PRR14L: variants seen among roughly 807,000 people sequenced by gnomAD.
The protein encoded by PRR14L is protein PRR14L.
A neutral mutation model predicts 155.0 loss-of-function variants in PRR14L; 80 were observed. That is an observed-to-expected ratio of 0.52 (90% CI 0.43 to 0.62). The LOEUF (loss-of-function observed/expected upper bound fraction) is 0.62. Ranked by LOEUF, PRR14L falls within the 20% of genes least tolerant of loss-of-function variation. The pLI is 0.00. For synonymous variants in PRR14L, 883 were observed against 916.0 expected, an observed-to-expected ratio of 0.96 and a Z score of 0.65; for missense variants, 2,469 against 2,548.0, an observed-to-expected ratio of 0.97 and a Z score of 0.67.
At position 31,712,513 on chromosome 22, in the gene PRR14L, C is replaced by T. The variant is rs752046342; in HGVS notation, c.5326G>A (p.Ala1776Thr). The T allele has an allele frequency of 3.9e-6, 6 of 1,551,858 alleles. No homozygotes were observed. The South Asian group carries it at 7.1e-5, about 18-fold the overall frequency. The change falls in exon 4 of 9, where the codon GCA (alanine) becomes ACA (threonine). Residue 1776 changes from alanine to threonine, a missense_variant. By Grantham distance (58) the Ala-to-Thr change is moderately conservative. Coordinates refer to ENST00000327423, the MANE Select transcript of PRR14L (RefSeq NM_173566.3). ...FFLSHGCPGM[A>T]TFREDTGVHS... ...ACGCCAGTGTCTTCCCTGAATGTTG[C>T]CATCCCAGGGCAACCGTGGGACAAG...
At chr22:31,706,239 G>C in intron 4 of PRR14L, among the ~76,000 whole-genome samples, 1 of 150,070 alleles carries the variant, frequency 6.7e-6, no homozygotes, top group East Asian at 2.1e-4. Flanking sequence ...GGTGAGGCAG[G>C]AGAATTGCTT....
At chr22:31,696,146 AT>A (rs759157984) in intron 7 of PRR14L, among the ~76,000 whole-genome samples, 6,675 of 136,894 alleles carry the variant, frequency 0.049, 247 homozygotes, top group African/African-American at 0.11. Context: ...TATTATTATA[AT>A]TTTTTTTTTT....
chr22:31,711,987 C>CT, intron 4 of PRR14L, 96 bp downstream of exon 4: 2 of 1,193,472 alleles, frequency 1.7e-6, no homozygotes, highest in Non-Finnish European at 1.2e-6. Flanking sequence ...CAAGAGGACT[C>CT]TAAATAGCCT....
Position 31,715,304 on chromosome 22 carries a change from G to C in PRR14L, c.2535C>G (p.Ser845Arg). The C allele has an allele frequency of 6.4e-7, 1 of 1,552,082 alleles. No individual in the cohort carries two copies. Among genetic ancestry groups the C allele is most frequent in the Admixed American group, 2.0e-5 (1 of 50,992 alleles). The change falls in exon 4 of 9, where the codon AGC becomes AGG. Residue 845 changes from serine (S) to arginine (R), a missense_variant. This residue lies in a region of PRR14L where 2,363 missense variants were observed against 2,371.6 expected (regional missense o/e 1.00). Coordinates refer to ENST00000327423, the MANE Select transcript of PRR14L (RefSeq NM_173566.3). The part of the protein sequence containing the change: ...CQGTGHSVEK[S>R]SCKVSYTSQE... ...GTGATGTGTAACTCACTTTACAGCT[G>C]CTTTTTTCCACAGAGTGTCCTGTTC...
chr22:31,702,167 G>C (rs1308120734), intron 6 of PRR14L, among the ~76,000 whole-genome samples: 1 of 152,132 alleles, frequency 6.6e-6, no homozygotes, highest in Non-Finnish European at 1.5e-5. Flanking sequence ...TCACTCTAGA[G>C]ATGACTCTAT....
At position 31,738,032 on chromosome 22, in the gene PRR14L, C is replaced by T. The variant is rs116170154; in HGVS notation, c.474+355G>A. 4.3e-3 allele frequency among the ~76,000 whole-genome samples: 657 copies of T among 152,014 alleles called. 5 individuals carry two copies. Among genetic ancestry groups the T allele is most frequent in the African/African-American group, 0.015 (625 of 41,494 alleles). On this transcript the variant is annotated intron_variant, in intron 2 of 8. Transcript: ENST00000327423. ...CTTCTTAAAAAAAAAAAAAGCCTCC[C>T]TTCAAAGGTTTCTCTGTGATACCTC...
chr22:31,739,682 T>C (rs1270869648), intron 1 of PRR14L, among the ~76,000 whole-genome samples: 1 of 152,170 alleles, frequency 6.6e-6, no homozygotes. Flanking sequence ...CCTAAAATAT[T>C]ACATGGTTGT....
Position 31,714,660 on chromosome 22 carries a change from C to T in PRR14L, c.3179G>A (p.Cys1060Tyr), listed in dbSNP as rs2074644270. 6.4e-7 allele frequency: 1 copy of T among 1,552,272 alleles called. No homozygotes were observed. ...CACACCTTCTGCAAGCTTATTACTACAGTCCGTGTAGACGATGTCTACCAT... is the reference window on the plus strand; with the variant it reads ...CACACCTTCTGCAAGCTTATTACTATAGTCCGTGTAGACGATGTCTACCAT... ...EGMVDIVYTD[C>Y]SNKLAEGVLD... Residue 1060 changes from cysteine to tyrosine, a missense_variant, in exon 4 of 9, where the codon TGT becomes TAT. Cys to Tyr is a radical substitution (Grantham distance 194). This residue lies in a region of PRR14L where 2,363 missense variants were observed against 2,371.6 expected (regional missense o/e 1.00). Transcript: ENST00000327423.
In PRR14L at chr22:31,716,499, A is replaced by G. The variant is rs929911429; in HGVS notation, c.1340T>C (p.Ile447Thr). The change falls in exon 4 of 9, where the codon ATT (isoleucine) becomes ACT (threonine). Residue 447 changes from isoleucine (I) to threonine (T), a missense_variant. Around this residue, in one of 2 missense-constraint regions of PRR14L, gnomAD observed 2,363 missense variants for 2,371.6 expected, o/e 1.00. Coordinates refer to ENST00000327423, the MANE Select transcript of PRR14L (RefSeq NM_173566.3). The part of the protein sequence containing the change: ...SPKENIHNNC[I>T]QDSLHTGNSS... The stretch of plus-strand genomic sequence containing the variant: ...GTTCCCTGTATGGAGACTGTCTTGA[A>G]TGCAGTTATTGTGGATATTTTCCTT... 1 of 1,548,532 alleles carries G rather than the reference A, an allele frequency of 6.5e-7. No homozygotes were observed. The highest frequency in any genetic ancestry group is 1.4e-5 in the African/African-American group (1 of 72,698).
chr22:31,734,974 G>A (rs1041251318), intron 2 of PRR14L, among the ~76,000 whole-genome samples: 5 of 152,194 alleles, frequency 3.3e-5, no homozygotes, highest in African/African-American at 4.8e-5. Context: ...CAGGTCTTCC[G>A]TTTCCCCTTT....
rs770161725 is a variant in PRR14L, at chr22:31,715,074, G to C, written c.2765C>G (p.Ser922Cys). Residue 922 changes from serine to cysteine, a missense_variant, in exon 4 of 9, where the codon TCT (serine) becomes TGT (cysteine). Around this residue, in one of 2 missense-constraint regions of PRR14L, gnomAD observed 2,363 missense variants for 2,371.6 expected, o/e 1.00. Coordinates refer to ENST00000327423, the MANE Select transcript of PRR14L (RefSeq NM_173566.3). Reference protein sequence around the residue: ...KETVFCKYNISDHAIQELNQT... With the variant: ...KETVFCKYNICDHAIQELNQT... ...GTTTAGTTCTTGTATAGCATGATCA[G>C]AGATGTTATACTTACAAAATACAGT... 1 of 1,551,370 alleles carries C rather than the reference G, an allele frequency of 6.4e-7. No homozygotes were observed.
intron 2 of PRR14L, among the ~76,000 whole-genome samples, chr22:31,737,055 A>G (rs930212754): frequency 4.7e-5 from 7 of 149,602 alleles, no homozygotes; most frequent in African/African-American, 1.7e-4. Flanking sequence ...AAAAAAAAAA[A>G]AAGGAGACCA....
At chr22:31,705,230 C>T (rs2074583826) in intron 4 of PRR14L, among the ~76,000 whole-genome samples, 1 of 152,226 alleles carries the variant, frequency 6.6e-6, no homozygotes, top group South Asian at 2.1e-4. Context: ...CACTGCACTT[C>T]AGCCTGAGTA....
chr22:31,742,318 C>A (rs1205727523), intron 1 of PRR14L, among the ~76,000 whole-genome samples: 1 of 151,786 alleles, frequency 6.6e-6, no homozygotes, highest in Non-Finnish European at 1.5e-5. Flanking sequence ...TTCTTGATAA[C>A]GTCATCTTTT....
rs1350709154 is a variant in PRR14L at position 31,683,292 on chromosome 22, CAT to C, written c.*2233_*2234del. On this transcript the variant is annotated 3_prime_UTR_variant, in exon 9 of 9. Coordinates refer to ENST00000327423, the MANE Select transcript of PRR14L (RefSeq NM_173566.3). Reference sequence around the variant, plus strand: ...TGTGCCCACTGTTGTCTCTGGGAAACATAGCCGCCACATCACTGCATCTATAC... The same window carrying C: ...TGTGCCCACTGTTGTCTCTGGGAAACAGCCGCCACATCACTGCATCTATAC... 6.6e-6 allele frequency: 1 copy of C among 152,136 alleles called. No homozygotes were observed. Among genetic ancestry groups the C allele is most frequent in the African/African-American group, 2.4e-5 (1 of 41,386 alleles). 9.4% of individuals were successfully genotyped at this position (152,136 alleles called of 1,614,324 possible).
chr22:31,749,170 G>T (rs2074857650), intron 1 of PRR14L, among the ~76,000 whole-genome samples: 1 of 152,124 alleles, frequency 6.6e-6, no homozygotes, highest in Non-Finnish European at 1.5e-5. Flanking sequence ...ACCCAAATTG[G>T]AGATGGACTG....
rs1039540412 is a variant in PRR14L at position 31,704,662 on chromosome 22, G to C, written c.5821C>G (p.Gln1941Glu). 1.2e-6 allele frequency: 2 copies of C among 1,613,766 alleles called. No homozygotes were observed. The highest frequency in any genetic ancestry group is 3.3e-5 in the Admixed American group (2 of 60,010). ...MEATYNTSGS[Q>E]TRLEPPFPAL... ...TGAGTCTCATGTGCTTACCTCGTCTGACTGCCGCTGGTGTTATATGTAGCT... is the reference window on the plus strand; with the variant it reads ...TGAGTCTCATGTGCTTACCTCGTCTCACTGCCGCTGGTGTTATATGTAGCT... The change falls in exon 5 of 9, where the codon CAG (glutamine) becomes GAG (glutamate). Residue 1941 changes from glutamine to glutamate, a missense_variant. Gln to Glu is a conservative substitution (Grantham distance 29, BLOSUM62 2). This residue lies in a region of PRR14L where 2,363 missense variants were observed against 2,371.6 expected (regional missense o/e 1.00). Coordinates refer to ENST00000327423, the MANE Select transcript of PRR14L (RefSeq NM_173566.3).
At chr22:31,748,487 C>T (rs2147881106) in intron 1 of PRR14L, among the ~76,000 whole-genome samples, 1 of 152,230 alleles carries the variant, frequency 6.6e-6, no homozygotes, top group South Asian at 2.1e-4. Flanking sequence ...CAGAGGCTTC[C>T]TGTATAAAAG....
At position 31,714,768 on chromosome 22, in the gene PRR14L, G is replaced by A. The variant is rs1464568786; in HGVS notation, c.3071C>T (p.Ser1024Leu). Residue 1024 changes from serine to leucine, a missense_variant, in exon 4 of 9, where the codon TCA becomes TTA. Ser to Leu is a moderately radical substitution (Grantham distance 145). Coordinates refer to ENST00000327423, the MANE Select transcript of PRR14L (RefSeq NM_173566.3). Reference protein sequence around the residue: ...DLLVSSGSNNSLPCGSPKKCN... With the variant: ...DLLVSSGSNNLLPCGSPKKCN... ...TTTCTTTGGACTACCACAAGGTAGT[G>A]AGTTATTACTGCCTGAGCTGACCAG... 1 of 1,552,182 alleles carries A rather than the reference G, an allele frequency of 6.4e-7. No homozygotes were observed. The highest frequency in any genetic ancestry group is 2.4e-5 in the East Asian group (1 of 40,940).
Sources: gnomAD v4.1 joint callset for allele counts (sites outside exome capture counted in the v4.1 genomes callset) on GRCh38, gnomAD v4.1.1 for gene constraint, gnomAD v4.1.1 regional missense constraint, MANE v1.5 for transcripts, NCBI Gene and HGNC (gene_info 2026-07-23, HGNC 2026-07-21) for gene names.